The following ACOXL variants were observed in gnomAD, a reference collection of about 807,000 sequenced individuals.
ACOXL encodes acyl-coenzyme A oxidase-like protein.
Under a neutral mutation model 71.9 loss-of-function variants are expected in ACOXL, and 70 were observed. That is an observed-to-expected ratio of 0.97 (90% CI 0.80 to 1.19). The LOEUF (loss-of-function observed/expected upper bound fraction) is 1.19, where lower values mean the gene tolerates loss of function less well. Among genes scored for constraint, ACOXL ranks in the 50% most tolerant of loss-of-function variants. ACOXL has a pLI of 0.00. For synonymous variants in ACOXL, 253 were observed against 281.6 expected, an observed-to-expected ratio of 0.90 and a Z score of 1.02; for missense variants, 703 against 736.3, an observed-to-expected ratio of 0.95 and a Z score of 0.52.
Position 110,951,572 on chromosome 2 carries a change from T to C in ACOXL, c.1059+17930T>C, listed in dbSNP as rs1025170013. On this transcript the variant is annotated intron_variant, in intron 12 of 17. Transcript: ENST00000439055. ...TACTATTTCACCATTAAGGATATTA[T>C]TCGGTGTGGGACTTGTGCAGATATT... Among the ~76,000 whole-genome samples, 6 of 152,364 alleles carry C rather than the reference T, an allele frequency of 3.9e-5. No homozygotes were observed. The East Asian group carries it at 1.2e-3, about 29-fold the overall frequency.
chr2:111,028,299 T>A (rs2065107501), intron 14 of ACOXL, among the ~76,000 whole-genome samples: 4 of 152,022 alleles, frequency 2.6e-5, no homozygotes, highest in South Asian at 4.1e-4. Flanking sequence ...TTGGAGTTTT[T>A]TTGAGACAGG....
intron 10 of ACOXL, among the ~76,000 whole-genome samples, chr2:110,877,695 C>A (rs1696100130): frequency 6.6e-6 from 1 of 152,174 alleles, no homozygotes; most frequent in Admixed American, 6.5e-5. Context: ...CCTCTACTGA[C>A]ATTGAGCCTG....
chr2:110,759,924 T>A (rs1021511158), intron 1 of ACOXL, among the ~76,000 whole-genome samples: 2 of 152,046 alleles, frequency 1.3e-5, no homozygotes, highest in African/African-American at 2.4e-5. Flanking sequence ...TTAAAAAAAT[T>A]TATTCTAATG....
intron 16 of ACOXL, among the ~76,000 whole-genome samples, chr2:111,081,011 G>T (rs1312212626): frequency 6.6e-6 from 1 of 152,132 alleles, no homozygotes; most frequent in Non-Finnish European, 1.5e-5. Context: ...GGTATCGATG[G>T]AATGTATCTC....
At chr2:110,771,179 A>G (rs773901126) in intron 2 of ACOXL, among the ~76,000 whole-genome samples, 8 of 152,220 alleles carry the variant, frequency 5.3e-5, no homozygotes, top group Non-Finnish European at 8.8e-5. Flanking sequence ...GAAACTGGCC[A>G]TCAGTGCGGC....
intron 3 of ACOXL, among the ~76,000 whole-genome samples, chr2:110,791,120 C>T (rs970178035): frequency 5.9e-5 from 9 of 152,256 alleles, no homozygotes; most frequent in Non-Finnish European, 2.9e-5. Flanking sequence ...CTGCATTTGG[C>T]CCAGCTTGGT....
At chr2:111,071,771 G>GAC (rs1312913382) in intron 16 of ACOXL, among the ~76,000 whole-genome samples, 1 of 152,194 alleles carries the variant, frequency 6.6e-6, no homozygotes, top group African/African-American at 2.4e-5. Flanking sequence ...TAAATTGTAG[G>GAC]CAAACTCCCT....
chr2:110,906,023 G>A (rs2059427596), intron 10 of ACOXL, among the ~76,000 whole-genome samples: 1 of 152,110 alleles, frequency 6.6e-6, no homozygotes, highest in Non-Finnish European at 1.5e-5. Context: ...ACCGCTACAA[G>A]GTGTGCCTCC....
intron 12 of ACOXL, among the ~76,000 whole-genome samples, chr2:110,952,802 A>G (rs1216359791): frequency 6.6e-6 from 1 of 152,110 alleles, no homozygotes; most frequent in African/African-American, 2.4e-5. Context: ...CTCCTATAGT[A>G]TCTTAATTTG....
rs561603478 is a variant in ACOXL, at chr2:111,042,467, A to G, written c.1370-6751A>G. On this transcript the variant is annotated intron_variant, in intron 15 of 17. Transcript: ENST00000439055. ...ACCCATTGGTGCTGGGTCTTGAAAC[A>G]TGCATAGGTTCCCGAAGGTGGGGAC... Among the ~76,000 whole-genome samples the G allele has an allele frequency of 9.3e-4, 141 of 152,328 alleles. 1 individual carries two copies. The highest frequency in any genetic ancestry group is 3.2e-3 in the African/African-American group (134 of 41,582).
chr2:110,846,629 G>C (rs1297630808), intron 10 of ACOXL, among the ~76,000 whole-genome samples: 6 of 84,130 alleles, frequency 7.1e-5, no homozygotes, highest in Non-Finnish European at 1.3e-4. Context: ...GAGCATGCAA[G>C]TATGCATACA....
chr2:111,080,837 T>C (rs79253782), intron 16 of ACOXL, among the ~76,000 whole-genome samples: 1 of 152,202 alleles, frequency 6.6e-6, no homozygotes, highest in Non-Finnish European at 1.5e-5. Context: ...TCAAGCTGGC[T>C]TCATCCCTGG....
At chr2:110,781,316 G>C (rs539313993) in intron 2 of ACOXL, among the ~76,000 whole-genome samples, 7 of 152,214 alleles carry the variant, frequency 4.6e-5, no homozygotes, top group Middle Eastern at 3.4e-3. Context: ...CTATAGTCCA[G>C]GGCACAAGAG....
chr2:110,747,099 A>G (rs779096332), intron 1 of ACOXL, among the ~76,000 whole-genome samples: 4 of 152,166 alleles, frequency 2.6e-5, no homozygotes, highest in Non-Finnish European at 5.9e-5. Flanking sequence ...TACTCAACCT[A>G]TGAGGAACTG....
At chr2:111,084,042 T>C (rs1235516743) in intron 16 of ACOXL, among the ~76,000 whole-genome samples, 2 of 151,938 alleles carry the variant, frequency 1.3e-5, no homozygotes, top group East Asian at 3.9e-4. Context: ...AAATGTGATT[T>C]GGGGCCAGGA....
At chr2:110,803,584 G>A (rs1573591671) in intron 8 of ACOXL, among the ~76,000 whole-genome samples, 1 of 152,252 alleles carries the variant, frequency 6.6e-6, no homozygotes, top group Non-Finnish European at 1.5e-5. Context: ...GAAAACACAG[G>A]TGTGAATTTT....
intron 10 of ACOXL, among the ~76,000 whole-genome samples, chr2:110,902,957 A>C (rs950347026): frequency 6.6e-6 from 1 of 152,240 alleles, no homozygotes; most frequent in African/African-American, 2.4e-5. Context: ...AGGTGGCCTG[A>C]GCCCAGGAAG....
intron 9 of ACOXL, 129 bp from the exon 10 acceptor site, chr2:110,841,242 G>C: frequency 1.6e-6 from 1 of 632,326 alleles, no homozygotes; most frequent in Non-Finnish European, 2.8e-6. Context: ...TGTTATTTTT[G>C]AAGCATTAGC....
chr2:111,014,371 A>G lies in ACOXL; in HGVS notation c.1282-17256A>G, dbSNP rs77077777. On this transcript the variant is annotated intron_variant, in intron 14 of 17. Coordinates refer to ENST00000439055, the MANE Select transcript of ACOXL (RefSeq NM_001142807.4). ...TGGAAAATAAAATTTAATTTACAAT[A>G]TCATCTAAAAACATGAGTTTCTTAG... 1.6e-4 allele frequency among the ~76,000 whole-genome samples: 25 copies of G among 152,376 alleles called. No homozygotes were observed. In the East Asian group the frequency reaches 2.5e-3, roughly 15 times the overall value.
Sources: allele counts gnomAD v4.1 joint callset (sites outside exome capture counted in the v4.1 genomes callset), GRCh38; gene constraint gnomAD v4.1.1; transcripts MANE v1.5; gene names NCBI Gene and HGNC (gene_info 2026-07-23, HGNC 2026-07-21).